ATP8B2: variants seen among roughly 807,000 people sequenced by gnomAD.
ATP8B2 encodes the protein ATPase phospholipid transporting 8B2.
In ATP8B2, 70 loss-of-function variants were observed where a neutral mutation model predicts 133.4. That is an observed-to-expected ratio of 0.52 (90% confidence interval 0.43 to 0.64). The LOEUF (loss-of-function observed/expected upper bound fraction) is 0.64. Among genes scored for constraint, ATP8B2 ranks in the 30% least tolerant of loss-of-function variants. ATP8B2 has a pLI of 0.00. For synonymous variants in ATP8B2, 517 were observed against 589.5 expected (o/e 0.88, Z 1.78); for missense variants, 1,101 against 1,535.7 (o/e 0.72, Z 4.73).
At position 154,346,735 on chromosome 1, in the gene ATP8B2, T is replaced by C; in HGVS notation, c.3140T>C (p.Phe1047Ser). 2 of 1,614,220 alleles carry C rather than the reference T, an allele frequency of 1.2e-6. No homozygotes were observed. The highest frequency in any genetic ancestry group is 1.7e-6 in the Non-Finnish European group (2 of 1,180,044). ...CACAGCAATGGGCTCTTCGACATGTTTCCCAACCAGTTCCGGTTTGTGGGT... is the reference window on the plus strand; with the variant it reads ...CACAGCAATGGGCTCTTCGACATGTCTCCCAACCAGTTCCGGTTTGTGGGT... ...AMHSNGLFDM[F>S]PNQFRFVGNA... Residue 1047 changes from phenylalanine (F) to serine (S), a missense_variant, in exon 26 of 28, where the codon TTT becomes TCT. Physicochemically the swap from Phe to Ser is radical, Grantham distance 155. Transcript: ENST00000368489. The surrounding 1 kb of genome is among the most constrained non-coding windows in gnomAD (Gnocchi z 4.5).
At chr1:154,341,457 A>C (rs1175134912) in intron 13 of ATP8B2, 3 of 305,064 alleles carry the variant, frequency 9.8e-6, no homozygotes, top group East Asian at 8.6e-5. Context: ...CTTCCACTGC[A>C]CTCCAGCCTG....
rs778100044 is a variant in ATP8B2 at position 154,331,992 on chromosome 1, G to A, written c.477G>A (p.Gly159=). ...TCCTTTCCAGCAGTGAGCCCCATGG[G>A]CTGTGTTACATAGAGACAGCAGAAC... ...LLLLSSSEPH[G]LCYIETAELD... The change falls in exon 8 of 28, where the codon GGG becomes GGA. Residue 159 remains glycine, a synonymous_variant. Transcript: ENST00000368489. This position sits in a 1 kb window ranked among gnomAD's most constrained non-coding sequence, Gnocchi z 4.8. 6.2e-7 allele frequency: 1 copy of A among 1,614,008 alleles called. No individual in the cohort carries two copies. Among genetic ancestry groups the A allele is most frequent in the Non-Finnish European group, 8.5e-7 (1 of 1,180,000 alleles).
Position 154,345,745 on chromosome 1 carries a change from C to T in ATP8B2, c.2695-55C>T. 6.7e-7 allele frequency: 1 copy of T among 1,488,496 alleles called. No individual in the cohort carries two copies. Among genetic ancestry groups the T allele is most frequent in the South Asian group, 1.1e-5 (1 of 88,210 alleles). The allele number at this position is 1,488,496 out of a possible 1,614,324, so 92.2% of individuals were successfully genotyped here. A position where few individuals can be genotyped will look rare whatever the true frequency, so the allele number is the denominator to read the frequency against. ...ATGTGACATCAGCTGTCTTCCTGTG[C>T]CTGATGTGTAGCAAAGAAAGGTTGC... On this transcript the variant is annotated intron_variant, in intron 23 of 27. Coordinates refer to ENST00000368489, the MANE Select transcript of ATP8B2 (RefSeq NM_001370597.1). This position sits in a 1 kb window ranked among gnomAD's most constrained non-coding sequence, Gnocchi z 5.6.
Position 154,343,568 on chromosome 1 carries a change from T to G in ATP8B2, c.1758T>G (p.Asn586Lys). The part of the protein sequence containing the change: ...ELLNTTMDHL[N>K]EYAGEGLRTL... The stretch of plus-strand genomic sequence containing the variant: ...TCAACACCACCATGGACCACCTTAA[T>G]GTGGGTGTGAGGAGAGGAGGGGCCA... The change falls in exon 17 of 28, where the codon AAT becomes AAG. Residue 586 changes from asparagine to lysine, a missense_variant and splice_region_variant. Asn to Lys is a moderately conservative substitution (Grantham distance 94, BLOSUM62 0). Coordinates refer to ENST00000368489, the MANE Select transcript of ATP8B2 (RefSeq NM_001370597.1). The surrounding 1 kb of genome is among the most constrained non-coding windows in gnomAD (Gnocchi z 5.8). The G allele has an allele frequency of 1.2e-6, 2 of 1,613,212 alleles. No individual in the cohort carries two copies. The highest frequency in any genetic ancestry group is 1.7e-6 in the Non-Finnish European group (2 of 1,179,328).
At chr1:154,348,646 G>A (rs1570875298) in intron 27 of ATP8B2, 108 bp downstream of exon 27, 5 of 1,488,776 alleles carry the variant, frequency 3.4e-6, no homozygotes, top group East Asian at 2.3e-5. Context: ...CAGTGTGTTG[G>A]TGCTTATCTG....
In ATP8B2 at chr1:154,334,213, G is replaced by T; in HGVS notation, c.696G>T (p.Arg232=). 3 of 1,614,184 alleles carry T rather than the reference G, an allele frequency of 1.9e-6. No homozygotes were observed. The highest frequency in any genetic ancestry group is 1.7e-6 in the Non-Finnish European group (2 of 1,180,036). ...TGAGCAACCAGAACATGCTGCTGCG[G>T]GGCTGTGTGCTGCGAAACACCGAGT... ...FPLSNQNMLL[R]GCVLRNTEWC... Residue 232 remains arginine (R), a synonymous_variant, in exon 10 of 28, where the codon CGG becomes CGT. Coordinates refer to ENST00000368489, the MANE Select transcript of ATP8B2 (RefSeq NM_001370597.1). This position sits in a 1 kb window ranked among gnomAD's most constrained non-coding sequence, Gnocchi z 4.6.
chr1:154,334,520 A>T lies in ATP8B2; in HGVS notation c.766A>T (p.Met256Leu). The change falls in exon 11 of 28, where the codon ATG (methionine) becomes TTG (leucine). Residue 256 changes from methionine to leucine, a missense_variant. By Grantham distance (15) the Met-to-Leu change is conservative (BLOSUM62 2). Transcript: ENST00000368489. The surrounding 1 kb of genome is among the most constrained non-coding windows in gnomAD (Gnocchi z 4.6). Reference sequence around the variant, plus strand: ...TTTTCCAGGTCCCGACACTAAGCTGATGCAAAACAGCGGCAGAACAAAGTT... The same window carrying T: ...TTTTCCAGGTCCCGACACTAAGCTGTTGCAAAACAGCGGCAGAACAAAGTT... Reference protein sequence around the residue: ...VIFAGPDTKLMQNSGRTKFKR... With the variant: ...VIFAGPDTKLLQNSGRTKFKR... The T allele has an allele frequency of 6.2e-7, 1 of 1,614,104 alleles. No homozygotes were observed. The highest frequency in any genetic ancestry group is 8.5e-7 in the Non-Finnish European group (1 of 1,180,036).
At position 154,328,252 on chromosome 1, in the gene ATP8B2, G is replaced by C; in HGVS notation, c.31+80G>C. ...TGGCTCAGGGAGCAAAAGGAAAAGG[G>C]ACAACTGGTATGGGTCTGAGGGAGG... On this transcript the variant is annotated intron_variant, in intron 2 of 27. Coordinates refer to ENST00000368489, the MANE Select transcript of ATP8B2 (RefSeq NM_001370597.1). This position sits in a 1 kb window ranked among gnomAD's most constrained non-coding sequence, Gnocchi z 4.6. The C allele has an allele frequency of 6.9e-7, 1 of 1,445,778 alleles. No individual in the cohort carries two copies. The highest frequency in any genetic ancestry group is 9.7e-7 in the Non-Finnish European group (1 of 1,028,698). The allele number at this position is 1,445,778 out of a possible 1,614,324, so 89.6% of individuals were successfully genotyped here.
In ATP8B2 at chr1:154,346,845, A is replaced by G; in HGVS notation, c.3163+87A>G. The G allele has an allele frequency of 7.1e-7, 1 of 1,407,370 alleles. No individual in the cohort carries two copies. The highest frequency in any genetic ancestry group is 9.7e-7 in the Non-Finnish European group (1 of 1,026,704). The allele number at this position is 1,407,370 out of a possible 1,614,324, so 87.2% of individuals were successfully genotyped here. A position where few individuals can be genotyped will look rare whatever the true frequency, so the allele number is the denominator to read the frequency against. The stretch of plus-strand genomic sequence containing the variant: ...CCATCAGCTAATCTGCACATTCAAC[A>G]TTTCTTATGTGCCAAGTATTCTGTT... On this transcript the variant is annotated intron_variant, in intron 26 of 27. Coordinates refer to ENST00000368489, the MANE Select transcript of ATP8B2 (RefSeq NM_001370597.1). The surrounding 1 kb of genome is among the most constrained non-coding windows in gnomAD (Gnocchi z 4.5).
At chr1:154,339,870 C>T (rs1686318160) in intron 12 of ATP8B2, among the ~76,000 whole-genome samples, 1 of 152,134 alleles carries the variant, frequency 6.6e-6, no homozygotes, top group African/African-American at 2.4e-5. Flanking sequence ...AGGATACGAA[C>T]AGACCTGGAG....
intron 11 of ATP8B2, among the ~76,000 whole-genome samples, chr1:154,335,298 A>C (rs1198588916): frequency 1.3e-5 from 2 of 152,218 alleles, no homozygotes; most frequent in Non-Finnish European, 2.9e-5. Context: ...AAGCCTAAAC[A>C]GCGGAGGCAG....
At position 154,340,928 on chromosome 1, in the gene ATP8B2, C is replaced by G. The variant is rs1050193940; in HGVS notation, c.1109C>G (p.Thr370Arg). 6.2e-7 allele frequency: 1 copy of G among 1,614,030 alleles called. No individual in the cohort carries two copies. The highest frequency in any genetic ancestry group is 1.7e-5 in the Admixed American group (1 of 59,998). The change falls in exon 13 of 28, where the codon ACG (threonine) becomes AGG (arginine). Residue 370 changes from threonine to arginine, a missense_variant. Thr to Arg is a moderately conservative substitution (Grantham distance 71). Transcript: ENST00000368489. This position sits in a 1 kb window ranked among gnomAD's most constrained non-coding sequence, Gnocchi z 4.0. ...DKKMFCMKKR[T>R]PAEARTTTLN... Reference sequence around the variant, plus strand: ...AAGATGTTCTGCATGAAGAAGCGGACGCCTGCAGAAGCCCGCACCACCACC... The same window carrying G: ...AAGATGTTCTGCATGAAGAAGCGGAGGCCTGCAGAAGCCCGCACCACCACC...
chr1:154,340,938 A>G lies in ATP8B2; in HGVS notation c.1119A>G (p.Glu373=). The G allele has an allele frequency of 6.2e-7, 1 of 1,614,202 alleles. No homozygotes were observed. ...GCATGAAGAAGCGGACGCCTGCAGA[A>G]GCCCGCACCACCACCCTAAACGAGG... The part of the protein sequence containing the change: ...MFCMKKRTPA[E]ARTTTLNEEL... The change falls in exon 13 of 28, where the codon GAA becomes GAG. Residue 373 remains glutamate, a synonymous_variant. Transcript: ENST00000368489. This position sits in a 1 kb window ranked among gnomAD's most constrained non-coding sequence, Gnocchi z 4.0.
chr1:154,342,329 T>C lies in ATP8B2; in HGVS notation c.1244-151T>C, dbSNP rs1686414033. On this transcript the variant is annotated intron_variant, in intron 13 of 27. Transcript: ENST00000368489. ...TGCCTCCTATCCCGCGAGTCAGCAA[T>C]GTGACTGAGTGACTCACACTGTGAC... The C allele has an allele frequency of 6.4e-6, 5 of 778,776 alleles. No individual in the cohort carries two copies. In the East Asian group the frequency reaches 1.3e-4, roughly 20 times the overall value. The allele number at this position is 778,776 out of a possible 1,614,324, so 48.2% of individuals were successfully genotyped here. A position where few individuals can be genotyped will look rare whatever the true frequency, so the allele number is the denominator to read the frequency against.
chr1:154,344,863 A>G lies in ATP8B2; in HGVS notation c.2286+78A>G. ...TCCAGGGCTTTTATATCTTGTTCTA[A>G]TTTCCCCTGATTTCAGAGAAGACTG... On this transcript the variant is annotated intron_variant, in intron 21 of 27. Coordinates refer to ENST00000368489, the MANE Select transcript of ATP8B2 (RefSeq NM_001370597.1). This position sits in a 1 kb window ranked among gnomAD's most constrained non-coding sequence, Gnocchi z 4.1. 1 of 1,542,918 alleles carries G rather than the reference A, an allele frequency of 6.5e-7. No individual in the cohort carries two copies.
chr1:154,331,794 C>A lies in ATP8B2; in HGVS notation c.438+116C>A. On this transcript the variant is annotated intron_variant, in intron 7 of 27. Coordinates refer to ENST00000368489, the MANE Select transcript of ATP8B2 (RefSeq NM_001370597.1). The surrounding 1 kb of genome is among the most constrained non-coding windows in gnomAD (Gnocchi z 4.8). ...AAACACCCGTGGCAGGAATCTTTCT[C>A]ACACCAGGGGCTTCTGTGTCATGCT... is the stretch of plus-strand genomic sequence containing the variant. 1 of 1,331,278 alleles carries A rather than the reference C, an allele frequency of 7.5e-7. No homozygotes were observed. Among genetic ancestry groups the A allele is most frequent in the Non-Finnish European group, 1.1e-6 (1 of 927,038 alleles). The allele number at this position is 1,331,278 out of a possible 1,614,324, so 82.5% of individuals were successfully genotyped here.
Position 154,344,317 on chromosome 1 carries a change from G to A in ATP8B2, c.2035+63G>A. On this transcript the variant is annotated intron_variant, in intron 19 of 27. Transcript: ENST00000368489. The surrounding 1 kb of genome is among the most constrained non-coding windows in gnomAD (Gnocchi z 4.1). ...AGTAGCCCTGTTGGACCCTTGCATG[G>A]AGCCGAGGACATCAGGCAGGCAAGT... 6.2e-7 allele frequency: 1 copy of A among 1,614,146 alleles called. No homozygotes were observed. Among genetic ancestry groups the A allele is most frequent in the Non-Finnish European group, 8.5e-7 (1 of 1,179,990 alleles).
rs368979389 is a variant in ATP8B2, at chr1:154,334,270, G to A, written c.748+5G>A. 24 of 1,613,362 alleles carry A rather than the reference G, an allele frequency of 1.5e-5. No individual in the cohort carries two copies. The Admixed American group carries it at 2.0e-4, about 13-fold the overall frequency. ...TCGGGCTGGTCATCTTTGCAGGTGA[G>A]CCTCCTAGCATCCAAAGAAAGAAGG... On this transcript the variant is annotated splice_donor_5th_base_variant and intron_variant, in intron 10 of 27. Coordinates refer to ENST00000368489, the MANE Select transcript of ATP8B2 (RefSeq NM_001370597.1). This position sits in a 1 kb window ranked among gnomAD's most constrained non-coding sequence, Gnocchi z 4.6.
At chr1:154,333,915 A>G (rs770251679) in intron 9 of ATP8B2, among the ~76,000 whole-genome samples, 192 bp from the exon 10 acceptor site, 2 of 152,172 alleles carry the variant, frequency 1.3e-5, no homozygotes, top group African/African-American at 2.4e-5. Flanking sequence ...GATTACAGGC[A>G]TGAGCTGCCG....
Sources: allele counts gnomAD v4.1 joint callset (sites outside exome capture counted in the v4.1 genomes callset), GRCh38; gene constraint gnomAD v4.1.1; non-coding constraint Gnocchi (gnomAD v3.1); transcripts MANE v1.5; gene names NCBI Gene and HGNC (gene_info 2026-07-23, HGNC 2026-07-21).